Variants in TMTC2 observed in about 807,000 individuals in gnomAD.
The protein encoded by TMTC2 is protein O-mannosyl-transferase TMTC2.
A neutral mutation model predicts 82.4 loss-of-function variants in TMTC2; 43 were observed. The observed-to-expected ratio is 0.52, with a 90% confidence interval of 0.41 to 0.67. The LOEUF is 0.67. TMTC2 is among the 30% of genes least tolerant of loss of function. TMTC2 has a pLI of 0.00. For synonymous variants in TMTC2, 408 were observed against 381.9 expected (o/e 1.07, Z -0.80); for missense variants, 919 against 1,012.4 (o/e 0.91, Z 1.25).
intron 1 of TMTC2, among the ~76,000 whole-genome samples, chr12:82,749,327 TACTC>T (rs5799593): frequency 0.95 from 144,676 of 152,008 alleles, 69,273 homozygotes; most frequent in East Asian, 1. Context: ...TAGAAACTAA[TACTC>T]ACACATTTGT....
intron 1 of TMTC2, among the ~76,000 whole-genome samples, chr12:82,729,406 C>T (rs531342966): frequency 6.6e-5 from 10 of 152,050 alleles, no homozygotes; most frequent in Admixed American, 5.9e-4. Flanking sequence ...ATACCAGTTG[C>T]ACTCTGTATC....
At chr12:82,720,234 C>T (rs935316311) in intron 1 of TMTC2, among the ~76,000 whole-genome samples, 4 of 152,070 alleles carry the variant, frequency 2.6e-5, no homozygotes, top group Non-Finnish European at 5.9e-5. Flanking sequence ...CCTTCATGTC[C>T]CCGACCCCAG....
At chr12:82,992,640 A>G (rs770823022) in intron 8 of TMTC2, among the ~76,000 whole-genome samples, 1 of 152,164 alleles carries the variant, frequency 6.6e-6, no homozygotes, top group Non-Finnish European at 1.5e-5. Context: ...TAGAGTTATC[A>G]TTGTATTATT....
intron 1 of TMTC2, among the ~76,000 whole-genome samples, chr12:82,856,669 G>A (rs1259546688): frequency 6.6e-6 from 1 of 152,128 alleles, no homozygotes. Flanking sequence ...GCCCAGCCTC[G>A]ATCTGGAATA....
chr12:82,859,435 A>G (rs981749503), intron 2 of TMTC2, among the ~76,000 whole-genome samples: 3 of 152,208 alleles, frequency 2.0e-5, no homozygotes, highest in Admixed American at 1.3e-4. Flanking sequence ...ATGATGATTC[A>G]GGATTTACTT....
chr12:83,062,974 C>T (rs1882796019), intron 11 of TMTC2, among the ~76,000 whole-genome samples: 1 of 151,732 alleles, frequency 6.6e-6, no homozygotes, highest in African/African-American at 2.4e-5. Context: ...AGGCTCATGG[C>T]TGAGACCCCT....
In TMTC2 at chr12:83,018,907, G is replaced by C. The variant is rs189855842; in HGVS notation, c.2071-11891G>C. On this transcript the variant is annotated intron_variant, in intron 8 of 11. Coordinates refer to ENST00000321196, the MANE Select transcript of TMTC2 (RefSeq NM_152588.3). The stretch of plus-strand genomic sequence containing the variant: ...ACCACCTACTACGCATCTGGTCCTT[G>C]GATAAGTGTTGATTAAACAATTCTA... Among the ~76,000 whole-genome samples, 8 of 152,258 alleles carry C rather than the reference G, an allele frequency of 5.3e-5. No homozygotes were observed. In the East Asian group the frequency reaches 1.5e-3, roughly 29 times the overall value.
chr12:82,912,190 C>T (rs905620573), intron 3 of TMTC2, among the ~76,000 whole-genome samples: 14 of 152,126 alleles, frequency 9.2e-5, no homozygotes, highest in African/African-American at 3.4e-4. Context: ...TCTCTGTAGA[C>T]ATTTTAAGTG....
chr12:82,909,586 C>T (rs911871269), intron 3 of TMTC2, among the ~76,000 whole-genome samples: 1 of 152,012 alleles, frequency 6.6e-6, no homozygotes. Context: ...GTGATCCACC[C>T]GCCTCAGCCT....
chr12:82,841,704 G>T (rs1268859327), intron 1 of TMTC2, among the ~76,000 whole-genome samples: 1 of 152,176 alleles, frequency 6.6e-6, no homozygotes, highest in Non-Finnish European at 1.5e-5. Context: ...GTATGTGTGT[G>T]TGTATAACTA....
chr12:82,784,232 G>A (rs1878056510), intron 1 of TMTC2, among the ~76,000 whole-genome samples: 1 of 152,034 alleles, frequency 6.6e-6, no homozygotes, highest in Non-Finnish European at 1.5e-5. Flanking sequence ...AGAAGTTCCA[G>A]ATATTTTTCC....
chr12:82,826,690 C>T (rs1869438606), intron 1 of TMTC2, among the ~76,000 whole-genome samples: 1 of 151,758 alleles, frequency 6.6e-6, no homozygotes, highest in Non-Finnish European at 1.5e-5. Flanking sequence ...GATTTTTTTC[C>T]CCTCTTGTTG....
intron 1 of TMTC2, chr12:82,690,286 C>A: frequency 1.5e-6 from 1 of 660,026 alleles, no homozygotes; most frequent in Non-Finnish European, 1.9e-6. Context: ...TTAAACTAGA[C>A]CTGTGGATTC....
At chr12:82,802,044 C>T (rs1374951165) in intron 1 of TMTC2, among the ~76,000 whole-genome samples, 1 of 152,138 alleles carries the variant, frequency 6.6e-6, no homozygotes. Flanking sequence ...CCACACACTC[C>T]TCAGCCCTTG....
At chr12:83,117,285 C>T (rs75065797) in intron 11 of TMTC2, among the ~76,000 whole-genome samples, 3,677 of 152,194 alleles carry the variant, frequency 0.024, 157 homozygotes, top group African/African-American at 0.085. Context: ...CCAGCATCAC[C>T]CTAATACCAA....
chr12:82,749,970 T>A (rs1875897441), intron 1 of TMTC2, among the ~76,000 whole-genome samples: 1 of 152,118 alleles, frequency 6.6e-6, no homozygotes. Flanking sequence ...ACTCCTGACC[T>A]CAGGTGATCC....
chr12:82,917,591 TTTTA>T (rs200853483), intron 3 of TMTC2, among the ~76,000 whole-genome samples: 79 of 151,748 alleles, frequency 5.2e-4, no homozygotes, highest in African/African-American at 1.8e-3. Flanking sequence ...TTGGCTTTTA[TTTTA>T]TTTATTTATT....
At chr12:82,997,221 C>CTCTCTCTATATATATATA (rs1451262969) in intron 8 of TMTC2, among the ~76,000 whole-genome samples, 1 of 118,512 alleles carries the variant, frequency 8.4e-6, no homozygotes, top group African/African-American at 3.7e-5. Context: ...CTCTCTCTCT[C>CTCTCTCTATATATATATA]TATATATATA....
chr12:82,741,128 C>T (rs941834486), intron 1 of TMTC2, among the ~76,000 whole-genome samples: 1 of 152,222 alleles, frequency 6.6e-6, no homozygotes, highest in Admixed American at 6.5e-5. Flanking sequence ...TGACACTCAT[C>T]TCCTGAGGCC....
Sources: allele counts gnomAD v4.1 joint callset (sites outside exome capture counted in the v4.1 genomes callset), GRCh38; gene constraint gnomAD v4.1.1; transcripts MANE v1.5; gene names NCBI Gene and HGNC (gene_info 2026-07-23, HGNC 2026-07-21).